Variants in PRKAR1A observed in about 807,000 individuals in gnomAD.
PRKAR1A encodes the protein cAMP-dependent protein kinase type I-alpha regulatory subunit.
Under a neutral mutation model 52.0 loss-of-function variants are expected in PRKAR1A, and 3 were observed. The observed-to-expected ratio is 0.06, with a 90% CI of 0.03 to 0.15. The LOEUF is 0.15. Among genes scored for constraint, PRKAR1A ranks in the 10% least tolerant of loss-of-function variants. The probability of loss-of-function intolerance (pLI) is 1.00; values close to 1 mark genes in which losing one functional copy is unlikely to be tolerated. For synonymous variants in PRKAR1A, 188 were observed against 168.4 expected, an observed-to-expected ratio of 1.12 and a Z score of -0.90; for missense variants, 240 against 477.4, an observed-to-expected ratio of 0.50 and a Z score of 4.63.
At position 68,531,325 on chromosome 17, in the gene PRKAR1A, T is replaced by C; in HGVS notation, c.*876T>C. ...TTGGTTGTTAATTTAGAGCGTTTGG[T>C]TAAAGTATGTCCTTCAGCTGACTCC... is the stretch of plus-strand genomic sequence containing the variant. On this transcript the variant is annotated 3_prime_UTR_variant, in exon 11 of 11. Transcript: ENST00000589228. 1 of 1,066,140 alleles carries C rather than the reference T, an allele frequency of 9.4e-7. No individual in the cohort carries two copies. The highest frequency in any genetic ancestry group is 1.1e-6 in the Non-Finnish European group (1 of 879,582). The allele number at this position is 1,066,140 out of a possible 1,614,324, so 66.0% of individuals were successfully genotyped here.
chr17:68,463,875 G>C, the PRKAR1A span, among the ~76,000 whole-genome samples: 3 of 152,328 alleles, frequency 2.0e-5, no homozygotes, highest in East Asian at 5.8e-4. Flanking sequence ...GTGTTGAAAA[G>C]AAATTGAAGG....
At chr17:68,489,228 ATG>A in the PRKAR1A span, among the ~76,000 whole-genome samples, 9 of 34,086 alleles carry the variant, frequency 2.6e-4, no homozygotes, top group African/African-American at 4.3e-4. Context: ...ATATATATAT[ATG>A]GAAAGTATAT....
chr17:68,539,050 CAG>C (rs2086180937), intron 11 of PRKAR1A, among the ~76,000 whole-genome samples: 1 of 152,124 alleles, frequency 6.6e-6, no homozygotes, highest in Non-Finnish European at 1.5e-5. Context: ...CTTTACAACA[CAG>C]TGGTGGATAG....
At chr17:68,433,921 T>G in the PRKAR1A span, among the ~76,000 whole-genome samples, 9 of 152,080 alleles carry the variant, frequency 5.9e-5, no homozygotes, top group African/African-American at 2.2e-4. Context: ...TAGCTGGGAT[T>G]ACAGGCACAC....
At chr17:68,477,168 G>C in the PRKAR1A span, among the ~76,000 whole-genome samples, 1 of 152,158 alleles carries the variant, frequency 6.6e-6, no homozygotes, top group African/African-American at 2.4e-5. Context: ...GCATATGACA[G>C]TAATGATCAT....
At chr17:68,461,034 T>C in the PRKAR1A span, among the ~76,000 whole-genome samples, 1 of 152,186 alleles carries the variant, frequency 6.6e-6, no homozygotes, top group Non-Finnish European at 1.5e-5. The surrounding 1 kb of genome is among the most constrained non-coding windows in gnomAD (Gnocchi z 4.6). Context: ...ACCTAAGTCT[T>C]ACAAGTTCTT....
the PRKAR1A span, among the ~76,000 whole-genome samples, chr17:68,441,572 T>C: frequency 6.6e-6 from 1 of 152,162 alleles, no homozygotes; most frequent in African/African-American, 2.4e-5. Context: ...GGCGGAGTCC[T>C]CTGAAGGTTC....
chr17:68,459,718 G>T, the PRKAR1A span, among the ~76,000 whole-genome samples: 2 of 151,990 alleles, frequency 1.3e-5, no homozygotes, highest in Non-Finnish European at 2.9e-5. Flanking sequence ...TTTTCTAGAA[G>T]ATACATTTAA....
At chr17:68,440,238 A>G in the PRKAR1A span, among the ~76,000 whole-genome samples, 1 of 152,204 alleles carries the variant, frequency 6.6e-6, no homozygotes, top group African/African-American at 2.4e-5. Flanking sequence ...GGTCCCCAGA[A>G]AAGCCTACTG....
the PRKAR1A span, among the ~76,000 whole-genome samples, chr17:68,441,322 T>C: frequency 2.2e-4 from 33 of 152,300 alleles, no homozygotes; most frequent in African/African-American, 7.5e-4. Context: ...AGATACCAAG[T>C]GTGAGGCAAC....
chr17:68,484,458 C>CTTTTTT, the PRKAR1A span, among the ~76,000 whole-genome samples: 1 of 135,498 alleles, frequency 7.4e-6, no homozygotes, highest in African/African-American at 2.7e-5. Context: ...ATCGTGGTAT[C>CTTTTTT]TTTTTTTTTT....
chr17:68,455,888 T>C, the PRKAR1A span, among the ~76,000 whole-genome samples: 2 of 152,192 alleles, frequency 1.3e-5, no homozygotes, highest in Non-Finnish European at 2.9e-5. Flanking sequence ...TTGTGTTCAA[T>C]TGGGAAGGAA....
At chr17:68,539,185 C>T in intron 11 of PRKAR1A, 1 of 720,036 alleles carries the variant, frequency 1.4e-6, no homozygotes, top group South Asian at 1.6e-5. Context: ...TCATGCAGTG[C>T]ACAAATGTGT....
chr17:68,475,192 A>G, the PRKAR1A span, among the ~76,000 whole-genome samples: 1 of 152,334 alleles, frequency 6.6e-6, no homozygotes, highest in South Asian at 2.1e-4. Context: ...TCCTTAACCT[A>G]ATAAAAAAAA....
At position 68,532,933 on chromosome 17, in the gene PRKAR1A, G is replaced by A. The variant is rs2086016991; in HGVS notation, c.*2484G>A. On this transcript the variant is annotated 3_prime_UTR_variant, in exon 11 of 11. Transcript: ENST00000589228. ...TCAGTGCTTTTCAGTTTGTCAAAGA[G>A]TGGATCTCAAAATCTTGCTTAAAGG... 9.4e-7 allele frequency: 1 copy of A among 1,065,868 alleles called. No individual in the cohort carries two copies. The highest frequency in any genetic ancestry group is 1.6e-5 in the African/African-American group (1 of 61,102). 66.0% of individuals were successfully genotyped at this position (1,065,868 alleles called of 1,614,324 possible). A position where few individuals can be genotyped will look rare whatever the true frequency, so the allele number is the denominator to read the frequency against.
chr17:68,526,020 T>C (rs2085778884), intron 7 of PRKAR1A, 108 bp downstream of exon 7: 14 of 1,365,974 alleles, frequency 1.0e-5, no homozygotes, highest in Non-Finnish European at 1.4e-5. Flanking sequence ...TGAGCAAATA[T>C]TTCTTTCTTT....
chr17:68,478,728 G>GT, the PRKAR1A span, among the ~76,000 whole-genome samples: 470 of 91,832 alleles, frequency 5.1e-3, 10 homozygotes, highest in African/African-American at 0.02. Flanking sequence ...ATGTTGGACA[G>GT]TTTTGTTTTT....
chr17:68,472,990 T>C, the PRKAR1A span, among the ~76,000 whole-genome samples: 1 of 152,138 alleles, frequency 6.6e-6, no homozygotes, highest in Non-Finnish European at 1.5e-5. Flanking sequence ...GGTATTTGAT[T>C]GATCATTAGA....
the PRKAR1A span, among the ~76,000 whole-genome samples, chr17:68,470,723 C>G: frequency 1.5e-4 from 23 of 152,230 alleles, no homozygotes; most frequent in African/African-American, 5.5e-4. Flanking sequence ...AAAACATGTG[C>G]CTTTGTGAAG....
Sources: gnomAD v4.1 joint callset for allele counts (sites outside exome capture counted in the v4.1 genomes callset) on GRCh38, gnomAD v4.1.1 for gene constraint, Gnocchi (gnomAD v3.1) non-coding constraint, MANE v1.5 for transcripts, NCBI Gene and HGNC (gene_info 2026-07-23, HGNC 2026-07-21) for gene names.